KIR2DL4: variants seen among roughly 807,000 people sequenced by gnomAD.
KIR2DL4 encodes killer cell immunoglobulin-like receptor 2DL4.
A neutral mutation model predicts 31.0 loss-of-function variants in KIR2DL4; 41 were observed. The observed-to-expected ratio is 1.32, with a 90% CI of 1.03 to 1.72. The LOEUF (loss-of-function observed/expected upper bound fraction) is 1.72, where lower values mean the gene tolerates loss of function less well. Among genes scored for constraint, KIR2DL4 ranks in the 40% most tolerant of loss-of-function variants. The probability of loss-of-function intolerance (pLI) is 0.00; values close to 1 mark genes in which losing one functional copy is unlikely to be tolerated. For synonymous variants in KIR2DL4, 164 were observed against 133.6 expected, an observed-to-expected ratio of 1.23 and a Z score of -1.57; for missense variants, 438 against 353.7, an observed-to-expected ratio of 1.24 and a Z score of -1.91.
rs1444139953 is a variant in KIR2DL4, at chr19:54,803,912, T to A, written c.62T>A (p.Val21Glu). Reference sequence around the variant, plus strand: ...GCAGGGTTCTTCTTGGACCAGAGTGTGTGGGCACACGTGGGTGAGTCCTTC... The same window carrying A: ...GCAGGGTTCTTCTTGGACCAGAGTGAGTGGGCACACGTGGGTGAGTCCTTC... Residue 21 changes from valine (V) to glutamate (E), a missense_variant, in exon 2 of 8, where the codon GTG becomes GAG. Coordinates refer to ENST00000359085, the Ensembl canonical transcript of KIR2DL4. 200 of 1,609,984 alleles carry A rather than the reference T, an allele frequency of 1.2e-4. 2 individuals are homozygous for A. The highest frequency in any genetic ancestry group is 1.6e-4 in the Non-Finnish European group (191 of 1,178,948).
intron 1 of KIR2DL4, 39 bp from the exon 2 acceptor site, chr19:54,803,852 C>G (rs2295802): frequency 0.43 from 671,726 of 1,562,120 alleles, 152,090 homozygotes; most frequent in African/African-American, 0.65. Context: ...GGGTAGGTTG[C>G]TGCCGAGATG....
In KIR2DL4 at chr19:54,814,151, A is replaced by G. The variant is rs1478826899; in HGVS notation, c.*351A>G. ...ATCTTAGAGCATCACTCTTCCTCAC[A>G]CCACAAATCTGGTGCCTGTCTCTTG... On this transcript the variant is annotated 3_prime_UTR_variant, in exon 8 of 8. Transcript: ENST00000359085. 39 of 1,598,720 alleles carry G rather than the reference A, an allele frequency of 2.4e-5. 5 individuals are homozygous for G. The South Asian group carries it at 4.1e-4, about 17-fold the overall frequency.
rs1363457000 is a variant in KIR2DL4 at position 54,809,849 on chromosome 19, G to A, written c.706+966G>A. ...CTAGGATACCCTCCTTTTAAGGTTAGCTGATTAGCAACCGTAATTCCATCT... is the reference window on the plus strand; with the variant it reads ...CTAGGATACCCTCCTTTTAAGGTTAACTGATTAGCAACCGTAATTCCATCT... On this transcript the variant is annotated intron_variant, in intron 5 of 7. Coordinates refer to ENST00000359085, the Ensembl canonical transcript of KIR2DL4. 1.1e-4 allele frequency among the ~76,000 whole-genome samples: 17 copies of A among 151,074 alleles called. 1 individual carries two copies. The South Asian group carries it at 3.4e-3, about 30-fold the overall frequency.
intron 3 of KIR2DL4, 118 bp from the exon 4 acceptor site, chr19:54,805,833 T>TGAGAGAGA (rs3050844): frequency 0.015 from 12,318 of 831,380 alleles, 70 homozygotes; most frequent in South Asian, 0.024. Context: ...GGGTGGAGGG[T>TGAGAGAGA]GAGAGAGAGA....
intron 5 of KIR2DL4, among the ~76,000 whole-genome samples, 181 bp downstream of exon 5, chr19:54,809,064 C>G (rs962298024): frequency 6.6e-6 from 1 of 151,334 alleles, no homozygotes; most frequent in Non-Finnish European, 1.5e-5. Flanking sequence ...TCAGTGAAAT[C>G]TCTTAATCTC....
At chr19:54,808,161 A>G (rs371026426) in intron 4 of KIR2DL4, among the ~76,000 whole-genome samples, 5 of 149,800 alleles carry the variant, frequency 3.3e-5, no homozygotes, top group Middle Eastern at 3.4e-3. Context: ...TCTTCACTTC[A>G]TTGGTTGCTT....
intron 2 of KIR2DL4, 92 bp downstream of exon 2, chr19:54,804,018 T>G: frequency 8.6e-7 from 1 of 1,160,620 alleles, no homozygotes; most frequent in Non-Finnish European, 1.3e-6. Context: ...GAGGGTGGGC[T>G]GATGGGCTGA....
At chr19:54,805,030 C>G in exon 3 of KIR2DL4, 1 of 1,611,002 alleles carries the variant, frequency 6.2e-7, no homozygotes, top group African/African-American at 1.3e-5. Flanking sequence ...CCGCACTCCC[C>G]CACTGAGTGG....
At chr19:54,804,667 G>A in intron 2 of KIR2DL4, 126 bp from the exon 3 acceptor site, 3 of 1,005,722 alleles carry the variant, frequency 3.0e-6, no homozygotes, top group Non-Finnish European at 4.4e-6. Flanking sequence ...GGTCCTTCCT[G>A]TAGCCCCAGG....
intron 5 of KIR2DL4, among the ~76,000 whole-genome samples, chr19:54,810,426 C>A: frequency 6.6e-6 from 1 of 151,318 alleles, no homozygotes; most frequent in African/African-American, 2.4e-5. Context: ...GGCGCCGAGC[C>A]GTATTTTAAA....
At chr19:54,804,970 G>A (rs1397299199) in exon 3 of KIR2DL4, 3 of 1,612,114 alleles carry the variant, frequency 1.9e-6, no homozygotes, top group Non-Finnish European at 1.7e-6. Flanking sequence ...TTCCTCATTA[G>A]CCCTGTGACC....
intron 5 of KIR2DL4, among the ~76,000 whole-genome samples, chr19:54,812,036 G>A (rs1487827985): frequency 6.6e-6 from 1 of 151,182 alleles, no homozygotes; most frequent in Non-Finnish European, 1.5e-5. Flanking sequence ...TAATTTGTTT[G>A]AGTCAAGAGG....
At chr19:54,812,243 G>A (rs1442126594) in intron 5 of KIR2DL4, among the ~76,000 whole-genome samples, 1 of 151,256 alleles carries the variant, frequency 6.6e-6, no homozygotes, top group Non-Finnish European at 1.5e-5. Flanking sequence ...TAAGCAGCGA[G>A]TGACAACAGA....
At chr19:54,814,196 C>G in exon 8 of KIR2DL4, 5 of 1,448,416 alleles carry the variant, frequency 3.5e-6, no homozygotes, top group Non-Finnish European at 4.8e-6. Flanking sequence ...GTCTAAGGTC[C>G]CCACTGCCTG....
exon 4 of KIR2DL4, chr19:54,805,985 G>C: frequency 6.2e-7 from 1 of 1,609,692 alleles, no homozygotes; most frequent in Non-Finnish European, 8.5e-7. Flanking sequence ...CAGCCCGGCC[G>C]GGCCCCACGG....
chr19:54,806,098 C>T lies in KIR2DL4; in HGVS notation c.509C>T (p.Ala170Val). The change falls in exon 4 of 8, where the codon GCA becomes GTA. Residue 170 changes from alanine (A) to valine (V), a missense_variant. By Grantham distance (64) the Ala-to-Val change is moderately conservative (BLOSUM62 0). Transcript: ENST00000359085. ...GAAGCCCATGAACTTAGGCTCCCTG[C>T]AGTGCCCAGCATCAATGGAACATTC... 5.0e-6 allele frequency: 8 copies of T among 1,612,194 alleles called. 1 individual carries two copies. The highest frequency in any genetic ancestry group is 4.4e-5 in the South Asian group (4 of 90,640).
At chr19:54,810,765 T>C (rs1481262485) in intron 5 of KIR2DL4, among the ~76,000 whole-genome samples, 1 of 151,032 alleles carries the variant, frequency 6.6e-6, no homozygotes, top group African/African-American at 2.4e-5. Flanking sequence ...ACCTCGGGGC[T>C]AACTGGGAAT....
At chr19:54,806,197 C>G in exon 4 of KIR2DL4, 1 of 1,611,486 alleles carries the variant, frequency 6.2e-7, no homozygotes. Context: ...CATGGATCTC[C>G]CTACGAGTGG....
chr19:54,810,235 C>T lies in KIR2DL4; in HGVS notation c.706+1352C>T, dbSNP rs761799205. ...CCAGGTTAAAGCGATTCTCTACACT[C>T]AGCTTCCCGAGAGGCTGGGATTACA... On this transcript the variant is annotated intron_variant, in intron 5 of 7. Coordinates refer to ENST00000359085, the Ensembl canonical transcript of KIR2DL4. Among the ~76,000 whole-genome samples the T allele has an allele frequency of 1.9e-3, 280 of 150,840 alleles. 11 individuals carry two copies. Among genetic ancestry groups the T allele is most frequent in the Middle Eastern group, 0.014 (4 of 294 alleles).
Sources: allele counts gnomAD v4.1 joint callset (sites outside exome capture counted in the v4.1 genomes callset), GRCh38; gene constraint gnomAD v4.1.1; transcripts MANE v1.5; gene names NCBI Gene and HGNC (gene_info 2026-07-23, HGNC 2026-07-21).